Variants in ZNF613 observed in about 807,000 individuals in gnomAD.
ZNF613 encodes the protein zinc finger protein 613.
ZNF613 carries 8 observed loss-of-function variants against 14.3 expected under a neutral mutation model. The observed-to-expected ratio is 0.56, with a 90% CI of 0.33 to 1.01. ZNF613 has a LOEUF of 1.01. Ranked by LOEUF, ZNF613 falls within the 50% of genes least tolerant of loss-of-function variation. The probability of loss-of-function intolerance (pLI) is 0.03; values close to 1 mark genes in which losing one functional copy is unlikely to be tolerated. For synonymous variants in ZNF613, 228 were observed against 254.5 expected (o/e 0.90, Z 0.99); for missense variants, 656 against 741.9 (o/e 0.88, Z 1.35).
chr19:51,936,531 C>G (rs1000997429), intron 3 of ZNF613, among the ~76,000 whole-genome samples: 2 of 152,178 alleles, frequency 1.3e-5, no homozygotes, highest in African/African-American at 4.8e-5. Context: ...CTTTGTCACC[C>G]AGGCTGGAGT....
chr19:51,945,422 A>G lies in ZNF613; in HGVS notation c.1539A>G (p.Gly513=), dbSNP rs1210770603. 6.2e-7 allele frequency: 1 copy of G among 1,613,800 alleles called. No homozygotes were observed. Among genetic ancestry groups the G allele is most frequent in the Admixed American group, 1.7e-5 (1 of 60,006 alleles). Residue 513 remains glycine (G), a synonymous_variant, in exon 6 of 6, where the codon GGA becomes GGG. Transcript: ENST00000293471. ...CTCATACAGGGGAGAGACCGTATGGATGCTCTGATTGTGGGAAAGCTTTCT... is the reference window on the plus strand; with the variant it reads ...CTCATACAGGGGAGAGACCGTATGGGTGCTCTGATTGTGGGAAAGCTTTCT... ...RRTHTGERPY[G]CSDCGKAFSH...
intron 2 of ZNF613, among the ~76,000 whole-genome samples, chr19:51,931,431 TAGTC>T (rs2122805513): frequency 6.6e-6 from 1 of 152,340 alleles, no homozygotes; most frequent in African/African-American, 2.4e-5. Context: ...CACTCTTCCT[TAGTC>T]ATATAATTTA....
At chr19:51,928,203 C>A (rs982202627) in intron 1 of ZNF613, among the ~76,000 whole-genome samples, 2 of 152,126 alleles carry the variant, frequency 1.3e-5, no homozygotes. Context: ...GCTGGGATTA[C>A]GGGCGTGAGC....
Position 51,936,580 on chromosome 19 carries a change from C to T in ZNF613, c.15+345C>T, listed in dbSNP as rs2085306793. Among the ~76,000 whole-genome samples, 2 of 152,146 alleles carry T rather than the reference C, an allele frequency of 1.3e-5. 1 individual carries two copies. Among genetic ancestry groups the T allele is most frequent in the Non-Finnish European group, 2.9e-5 (2 of 68,034 alleles). On this transcript the variant is annotated intron_variant, in intron 3 of 5. Coordinates refer to ENST00000293471, the MANE Select transcript of ZNF613 (RefSeq NM_001031721.4). Reference sequence around the variant, plus strand: ...CTTGGCTCACTGCAACCTCGGCCTCCTGGGCTCAAGCGATCATCCCATCTC... The same window carrying T: ...CTTGGCTCACTGCAACCTCGGCCTCTTGGGCTCAAGCGATCATCCCATCTC...
Position 51,945,535 on chromosome 19 carries a change from C to CA in ZNF613, c.1653dup (p.Glu552ArgfsTer4). 1 of 1,614,118 alleles carries CA rather than the reference C, an allele frequency of 6.2e-7. No homozygotes were observed. The highest frequency in any genetic ancestry group is 8.5e-7 in the Non-Finnish European group (1 of 1,180,028). On this transcript the variant is annotated frameshift_variant, in exon 6 of 6. Coordinates refer to ENST00000293471, the MANE Select transcript of ZNF613 (RefSeq NM_001031721.4). LOFTEE classifies it low-confidence loss of function (END_TRUNC). Reference sequence around the variant, plus strand: ...TCAGTCAAATTGGAAAATCCTTGCTCAGAGAGTCATAGCTTATCACATACA... The same window carrying CA: ...TCAGTCAAATTGGAAAATCCTTGCTCAAGAGAGTCATAGCTTATCACATACA...
chr19:51,936,046 A>T lies in ZNF613; in HGVS notation c.-175A>T. On this transcript the variant is annotated 5_prime_UTR_variant, in exon 3 of 6. Transcript: ENST00000293471. ...TCTTCAGCCCACAGGTCCTGACTTC[A>T]GGAGCAAGACACTTCAAGTGAGGTG... 1 of 540,502 alleles carries T rather than the reference A, an allele frequency of 1.9e-6. No individual in the cohort carries two copies. Among genetic ancestry groups the T allele is most frequent in the South Asian group, 3.4e-5 (1 of 29,000 alleles). The allele number at this position is 540,502 out of a possible 1,614,324, so 33.5% of individuals were successfully genotyped here. A position where few individuals can be genotyped will look rare whatever the true frequency, so the allele number is the denominator to read the frequency against.
intron 3 of ZNF613, among the ~76,000 whole-genome samples, chr19:51,937,725 C>CTTTTTTTTTTT (rs557250619): frequency 1.9e-5 from 2 of 105,280 alleles, no homozygotes; most frequent in East Asian, 2.8e-4. Context: ...TGTCTTTTTT[C>CTTTTTTTTTTT]TTTTTTTTTT....
chr19:51,935,167 A>C (rs2085296617), intron 2 of ZNF613, among the ~76,000 whole-genome samples: 2 of 152,134 alleles, frequency 1.3e-5, no homozygotes, highest in African/African-American at 2.4e-5. Context: ...GGCATAAAAA[A>C]AGCCTCTGGG....
chr19:51,940,479 G>A, intron 4 of ZNF613, 138 bp from the exon 5 acceptor site: 2 of 1,506,118 alleles, frequency 1.3e-6, no homozygotes, highest in Non-Finnish European at 1.8e-6. Context: ...AGAGTGTAAT[G>A]TGCCCCCTTT....
chr19:51,937,744 T>G (rs2085315890), intron 3 of ZNF613, among the ~76,000 whole-genome samples: 1 of 139,512 alleles, frequency 7.2e-6, no homozygotes, highest in Admixed American at 7.0e-5. Flanking sequence ...TTTTTTTTTT[T>G]TTTGAGATAG....
chr19:51,941,216 G>A (rs2122821653), intron 5 of ZNF613, among the ~76,000 whole-genome samples: 1 of 152,328 alleles, frequency 6.6e-6, no homozygotes, highest in South Asian at 2.1e-4. Flanking sequence ...ACAGGTGTGA[G>A]CCACCACACC....
intron 4 of ZNF613, 133 bp from the exon 5 acceptor site, chr19:51,940,484 C>A: frequency 6.7e-7 from 1 of 1,495,246 alleles, no homozygotes; most frequent in East Asian, 2.3e-5. Flanking sequence ...GTAATGTGCC[C>A]CCTTTAGAGG....
At chr19:51,937,725 CTTTTTT>C (rs557250619) in intron 3 of ZNF613, among the ~76,000 whole-genome samples, 25 of 105,222 alleles carry the variant, frequency 2.4e-4, no homozygotes, top group Admixed American at 1.1e-3. Flanking sequence ...TGTCTTTTTT[CTTTTTT>C]TTTTTTTTTT....
intron 2 of ZNF613, among the ~76,000 whole-genome samples, chr19:51,930,503 C>G (rs1316193269): frequency 6.6e-6 from 1 of 152,138 alleles, no homozygotes; most frequent in Non-Finnish European, 1.5e-5. Flanking sequence ...CTCAGCTGAT[C>G]CGCCCACCTC....
At position 51,945,920 on chromosome 19, in the gene ZNF613, T is replaced by C; in HGVS notation, c.*183T>C. 1 of 634,868 alleles carries C rather than the reference T, an allele frequency of 1.6e-6. No homozygotes were observed. Among genetic ancestry groups the C allele is most frequent in the Non-Finnish European group, 2.7e-6 (1 of 370,874 alleles). 39.3% of individuals were successfully genotyped at this position (634,868 alleles called of 1,614,324 possible). ...AAGTGGAGACTGGGAAATTCTTTTA[T>C]GGGAAGATAGATCTTCTCATCAGTG... On this transcript the variant is annotated 3_prime_UTR_variant, in exon 6 of 6. Coordinates refer to ENST00000293471, the MANE Select transcript of ZNF613 (RefSeq NM_001031721.4).
At chr19:51,939,616 CA>C (rs2085331695) in intron 3 of ZNF613, among the ~76,000 whole-genome samples, 1 of 152,296 alleles carries the variant, frequency 6.6e-6, no homozygotes, top group African/African-American at 2.4e-5. Flanking sequence ...AGGTGTGAGC[CA>C]CCATGCCTGG....
Position 51,946,358 on chromosome 19 carries a change from T to C in ZNF613, c.*621T>C, listed in dbSNP as rs777210654. The C allele has an allele frequency of 1.3e-5, 2 of 152,506 alleles. No individual in the cohort carries two copies. Among genetic ancestry groups the C allele is most frequent in the Non-Finnish European group, 2.9e-5 (2 of 68,268 alleles). 9.4% of individuals were successfully genotyped at this position (152,506 alleles called of 1,614,324 possible). On this transcript the variant is annotated 3_prime_UTR_variant, in exon 6 of 6. Transcript: ENST00000293471. ...ATGACTAATTAAAAGGGGTTGTCAG[T>C]GTTACACATCATTGGTTAAATTTAT... is the stretch of plus-strand genomic sequence containing the variant.
intron 5 of ZNF613, among the ~76,000 whole-genome samples, chr19:51,941,162 C>T (rs555470810): frequency 6.6e-6 from 1 of 152,290 alleles, no homozygotes; most frequent in Admixed American, 6.5e-5. Context: ...AAACTCCTGA[C>T]CTCTGGTGAT....
At chr19:51,943,750 G>A (rs1271407202) in intron 5 of ZNF613, among the ~76,000 whole-genome samples, 6 of 151,522 alleles carry the variant, frequency 4.0e-5, no homozygotes, top group African/African-American at 9.7e-5. Flanking sequence ...GGAACATATC[G>A]CCCATAGATG....
Sources: allele counts gnomAD v4.1 joint callset (sites outside exome capture counted in the v4.1 genomes callset), GRCh38; gene constraint gnomAD v4.1.1; transcripts MANE v1.5; gene names NCBI Gene and HGNC (gene_info 2026-07-23, HGNC 2026-07-21).